ALDH1A1: variants seen among roughly 807,000 people sequenced by gnomAD.
The protein encoded by ALDH1A1 is aldehyde dehydrogenase 1A1.
Under a neutral mutation model 62.1 loss-of-function variants are expected in ALDH1A1, and 19 were observed. That is an observed-to-expected ratio of 0.31 (90% confidence interval 0.21 to 0.45). The LOEUF (loss-of-function observed/expected upper bound fraction) is 0.45. Ranked by LOEUF, ALDH1A1 falls within the 20% of genes least tolerant of loss-of-function variation. The pLI, the probability that ALDH1A1 is intolerant of heterozygous loss-of-function variation, is 1.00. For missense variants in ALDH1A1, 521 were observed against 607.1 expected (o/e 0.86, Z 1.49); for synonymous variants, 231 against 215.9 (o/e 1.07, Z -0.61).
At chr9:72,952,840 C>G in intron 1 of ALDH1A1, 95 bp downstream of exon 1, 1 of 1,421,718 alleles carries the variant, frequency 7.0e-7, no homozygotes, top group South Asian at 1.3e-5. Context: ...GCAAAGGGCT[C>G]TTTACACAAG....
intron 3 of ALDH1A1, among the ~76,000 whole-genome samples, chr9:72,929,609 A>G (rs116938896): frequency 6.6e-6 from 1 of 152,306 alleles, no homozygotes; most frequent in Non-Finnish European, 1.5e-5. Flanking sequence ...GTAAAGTTAA[A>G]CATTTTCTAG....
rs774637545 is a variant in ALDH1A1 at position 72,918,702 on chromosome 9, A to T, written c.850+18T>A. ...AAACGATGAAGGACGAAAAGTTAAC[A>T]AAGTGGTTTCTACTCACAGTCGGCA... On this transcript the variant is annotated intron_variant, in intron 8 of 12. Coordinates refer to ENST00000297785, the MANE Select transcript of ALDH1A1 (RefSeq NM_000689.5). 6.5e-7 allele frequency: 1 copy of T among 1,530,034 alleles called. No individual in the cohort carries two copies. The highest frequency in any genetic ancestry group is 1.3e-5 in the South Asian group (1 of 79,000). 94.8% of individuals were successfully genotyped at this position (1,530,034 alleles called of 1,614,324 possible). A position where few individuals can be genotyped will look rare whatever the true frequency, so the allele number is the denominator to read the frequency against.
At chr9:72,933,827 C>T (rs2118552960) in intron 2 of ALDH1A1, among the ~76,000 whole-genome samples, 1 of 152,232 alleles carries the variant, frequency 6.6e-6, no homozygotes, top group Admixed American at 6.5e-5. Flanking sequence ...GAGATTCACT[C>T]TGTTGCCTAG....
intron 11 of ALDH1A1, among the ~76,000 whole-genome samples, chr9:72,908,597 A>T (rs1474998774): frequency 6.9e-6 from 1 of 145,492 alleles, no homozygotes; most frequent in Non-Finnish European, 1.5e-5. Flanking sequence ...GAAAGAAAGA[A>T]AGAAAGAAAG....
At chr9:72,927,862 A>G (rs1297008220) in intron 4 of ALDH1A1, among the ~76,000 whole-genome samples, 2 of 151,976 alleles carry the variant, frequency 1.3e-5, no homozygotes, top group African/African-American at 4.8e-5. Context: ...TTTATTTTCA[A>G]TCTAAATTTG....
At chr9:72,923,532 T>C (rs1830167322) in intron 7 of ALDH1A1, among the ~76,000 whole-genome samples, 1 of 152,098 alleles carries the variant, frequency 6.6e-6, no homozygotes, top group Non-Finnish European at 1.5e-5. Flanking sequence ...GATGGTCAAG[T>C]TCAAGCCAGA....
intron 1 of ALDH1A1, among the ~76,000 whole-genome samples, chr9:72,951,678 A>G (rs1170044555): frequency 2.0e-5 from 3 of 151,962 alleles, no homozygotes; most frequent in Admixed American, 1.3e-4. Context: ...AACCTTTTGG[A>G]CATACCTTTG....
intron 12 of ALDH1A1, among the ~76,000 whole-genome samples, chr9:72,904,777 G>A (rs890577409): frequency 2.6e-5 from 4 of 151,690 alleles, no homozygotes; most frequent in African/African-American, 9.7e-5. Context: ...TACTTTGCTC[G>A]GTACTTTAAT....
chr9:72,928,179 A>G (rs1047211436), intron 4 of ALDH1A1, among the ~76,000 whole-genome samples: 2 of 151,398 alleles, frequency 1.3e-5, no homozygotes, highest in African/African-American at 2.4e-5. Context: ...CCTGGAGGGT[A>G]TTGTATTCCT....
intron 9 of ALDH1A1, among the ~76,000 whole-genome samples, chr9:72,912,443 A>G (rs992465240): frequency 6.6e-6 from 1 of 152,170 alleles, no homozygotes; most frequent in African/African-American, 2.4e-5. Flanking sequence ...AATGCCTGTT[A>G]ATCTAAATAC....
chr9:72,929,769 T>C (rs1564634795), intron 3 of ALDH1A1, among the ~76,000 whole-genome samples: 1 of 152,230 alleles, frequency 6.6e-6, no homozygotes. Flanking sequence ...TATTTGTTTC[T>C]GTACTACACT....
rs1829958842 is a variant in ALDH1A1, at chr9:72,909,833, T to C, written c.1201-74A>G. The C allele has an allele frequency of 6.2e-6, 8 of 1,285,708 alleles. No homozygotes were observed. In the South Asian group the frequency reaches 1.0e-4, roughly 17 times the overall value. 79.6% of individuals were successfully genotyped at this position (1,285,708 alleles called of 1,614,324 possible). ...ATTTTAAATGATATCGTAGATTTTT[T>C]TTCCTACACGCTATCCTAAATTGAT... is the stretch of plus-strand genomic sequence containing the variant. On this transcript the variant is annotated intron_variant, in intron 10 of 12. Coordinates refer to ENST00000297785, the MANE Select transcript of ALDH1A1 (RefSeq NM_000689.5).
At chr9:72,938,455 T>C (rs1830372618) in intron 2 of ALDH1A1, among the ~76,000 whole-genome samples, 1 of 152,134 alleles carries the variant, frequency 6.6e-6, no homozygotes, top group African/African-American at 2.4e-5. Context: ...TTTTTTATTT[T>C]TTATTTTTTG....
At chr9:72,925,745 A>G in intron 5 of ALDH1A1, 133 bp from the exon 6 acceptor site, 1 of 1,020,842 alleles carries the variant, frequency 9.8e-7, no homozygotes, top group Non-Finnish European at 1.4e-6. Context: ...CTGGCATATT[A>G]TACTTCATTG....
At chr9:72,914,317 A>T (rs2118501759) in intron 9 of ALDH1A1, among the ~76,000 whole-genome samples, 1 of 152,312 alleles carries the variant, frequency 6.6e-6, no homozygotes, top group Non-Finnish European at 1.5e-5. Flanking sequence ...CATGGGTATA[A>T]ATGGAAGCAT....
At chr9:72,923,905 C>A (rs1294289256) in intron 7 of ALDH1A1, 114 bp downstream of exon 7, 1 of 650,404 alleles carries the variant, frequency 1.5e-6, no homozygotes, top group Non-Finnish European at 2.5e-6. Flanking sequence ...AGTAACAAAT[C>A]ATTAAAAAGA....
intron 10 of ALDH1A1, 98 bp downstream of exon 10, chr9:72,911,860 T>C (rs1247585965): frequency 6.0e-6 from 8 of 1,334,434 alleles, no homozygotes; most frequent in Non-Finnish European, 8.6e-6. Flanking sequence ...GAGGGAAAGA[T>C]GTTCCAAAGA....
At chr9:72,927,269 A>G (rs1830223624) in intron 4 of ALDH1A1, 92 bp from the exon 5 acceptor site, 1 of 932,446 alleles carries the variant, frequency 1.1e-6, no homozygotes, top group Admixed American at 2.3e-5. Flanking sequence ...GGTGTAGACA[A>G]TAATTTTAAA....
At chr9:72,936,919 A>G (rs1422641009) in intron 2 of ALDH1A1, among the ~76,000 whole-genome samples, 1 of 152,152 alleles carries the variant, frequency 6.6e-6, no homozygotes, top group African/African-American at 2.4e-5. Flanking sequence ...TTCCCAACCA[A>G]CAACATCAGC....
Sources: allele counts gnomAD v4.1 joint callset (sites outside exome capture counted in the v4.1 genomes callset), GRCh38; gene constraint gnomAD v4.1.1; transcripts MANE v1.5; gene names NCBI Gene and HGNC (gene_info 2026-07-23, HGNC 2026-07-21).